The following UMAD1 variants were observed in gnomAD, a reference collection of about 807,000 sequenced individuals.
The protein encoded by UMAD1 is UBAP1-MVB12-associated (UMA) domain containing 1, also known as UBAP1-MVB12-associated (UMA)-domain containing protein 1.
Under a neutral mutation model 6.1 loss-of-function variants are expected in UMAD1, and 8 were observed. The ratio of observed to expected loss-of-function variants is 1.30; its 90% CI spans 0.76 to 2.35. UMAD1 has a LOEUF of 2.35. Ranked by LOEUF, UMAD1 falls within the 30% of genes most tolerant of loss-of-function variation. The probability of loss-of-function intolerance (pLI) is 0.00; values close to 1 mark genes in which losing one functional copy is unlikely to be tolerated. For missense variants in UMAD1, 130 were observed against 78.4 expected (o/e 1.66, Z -2.49); for synonymous variants, 56 against 31.4 (o/e 1.78, Z -2.61).
At chr7:7,748,500 A>G (rs1029790051) in intron 2 of UMAD1, among the ~76,000 whole-genome samples, 1 of 152,058 alleles carries the variant, frequency 6.6e-6, no homozygotes, top group Non-Finnish European at 1.5e-5. Flanking sequence ...TCAATGTCTC[A>G]TTGTTAGAGC....
chr7:7,722,696 A>C (rs1021218121), intron 2 of UMAD1, among the ~76,000 whole-genome samples: 1 of 152,210 alleles, frequency 6.6e-6, no homozygotes, highest in African/African-American at 2.4e-5. Flanking sequence ...CCTGTAGAGA[A>C]AGAGCTGAAA....
At chr7:7,739,120 A>C (rs1291912746) in intron 2 of UMAD1, 9 of 152,258 alleles carry the variant, frequency 5.9e-5, no homozygotes, top group Non-Finnish European at 8.8e-5. Context: ...ATTGTTACCT[A>C]AGTATACTTT....
At chr7:7,848,832 C>G (rs1441355819) in intron 3 of UMAD1, among the ~76,000 whole-genome samples, 2 of 152,076 alleles carry the variant, frequency 1.3e-5, no homozygotes, top group Non-Finnish European at 2.9e-5. Context: ...TATCCATATG[C>G]TGGCAATTTT....
At position 7,830,885 on chromosome 7, in the gene UMAD1, T is replaced by C. The variant is rs757311300; in HGVS notation, c.156+29142T>C. On this transcript the variant is annotated intron_variant, in intron 3 of 3. Coordinates refer to ENST00000682710, the MANE Select transcript of UMAD1 (RefSeq NM_001302348.2). The surrounding 1 kb of genome is among the most constrained non-coding windows in gnomAD (Gnocchi z 5.3). The stretch of plus-strand genomic sequence containing the variant: ...AGTATCTGCATAGAAAAATTTGTTA[T>C]TAGTTTTTATGAATAAGCCAATCAC... Among the ~76,000 whole-genome samples, 1 of 152,164 alleles carries C rather than the reference T, an allele frequency of 6.6e-6. No individual in the cohort carries two copies. Among genetic ancestry groups the C allele is most frequent in the African/African-American group, 2.4e-5 (1 of 41,450 alleles).
intron 1 of UMAD1, among the ~76,000 whole-genome samples, chr7:7,657,877 C>T (rs942938967): frequency 1.2e-4 from 18 of 152,188 alleles, no homozygotes; most frequent in Non-Finnish European, 2.2e-4. Context: ...ATGGGGATAG[C>T]ATTGAATCTG....
At position 7,778,271 on chromosome 7, in the gene UMAD1, TGTGTGA is replaced by T. The variant is rs1156415519; in HGVS notation, c.83-23397_83-23392del. Among the ~76,000 whole-genome samples the T allele has an allele frequency of 6.8e-3, 758 of 111,210 alleles. 2 individuals are homozygous for T. The highest frequency in any genetic ancestry group is 9.6e-3 in the Non-Finnish European group (517 of 53,694). 73.0% of individuals were successfully genotyped at this position (111,210 alleles called of 152,430 possible). A position where few individuals can be genotyped will look rare whatever the true frequency, so the allele number is the denominator to read the frequency against. Reference sequence around the variant, plus strand: ...GTGTGTGTGTGTGTGTGTGTGTGTGTGTGTGAGAGAGAGAGAGAGAGAGAGACAGAG... The same window carrying T: ...GTGTGTGTGTGTGTGTGTGTGTGTGTGAGAGAGAGAGAGAGAGAGACAGAG... On this transcript the variant is annotated intron_variant, in intron 2 of 3. Transcript: ENST00000682710.
chr7:7,845,060 C>A (rs940130350), intron 3 of UMAD1, among the ~76,000 whole-genome samples: 1 of 152,012 alleles, frequency 6.6e-6, no homozygotes, highest in Non-Finnish European at 1.5e-5. Context: ...GCCACAGTCA[C>A]ATGTGGCTAT....
chr7:7,743,744 T>G (rs1054708179), intron 2 of UMAD1, among the ~76,000 whole-genome samples: 3 of 151,526 alleles, frequency 2.0e-5, no homozygotes, highest in African/African-American at 7.3e-5. Context: ...CATTCTGCAC[T>G]TTTAAAAAAA....
At chr7:7,776,837 A>T (rs1378210988) in intron 2 of UMAD1, among the ~76,000 whole-genome samples, 1 of 152,232 alleles carries the variant, frequency 6.6e-6, no homozygotes, top group Non-Finnish European at 1.5e-5. Context: ...TGGCTAAAAA[A>T]TATATGAAAA....
intron 3 of UMAD1, among the ~76,000 whole-genome samples, chr7:7,856,908 A>G (rs1784029535): frequency 6.6e-6 from 1 of 152,126 alleles, no homozygotes; most frequent in Non-Finnish European, 1.5e-5. Context: ...AAGTCAGAAT[A>G]GTTTTTATGT....
intron 2 of UMAD1, among the ~76,000 whole-genome samples, chr7:7,724,934 G>C (rs183760559): frequency 9.8e-4 from 149 of 152,272 alleles, no homozygotes; most frequent in Non-Finnish European, 1.7e-3. Flanking sequence ...ACTTCCACGA[G>C]ATACCACACT....
At chr7:7,705,778 T>A (rs1162583054) in intron 2 of UMAD1, among the ~76,000 whole-genome samples, 1 of 152,162 alleles carries the variant, frequency 6.6e-6, no homozygotes, top group African/African-American at 2.4e-5. Flanking sequence ...TGAACCCTAA[T>A]GTAAAATATG....
intron 2 of UMAD1, among the ~76,000 whole-genome samples, chr7:7,675,779 G>T (rs1307954981): frequency 6.6e-6 from 1 of 152,138 alleles, no homozygotes; most frequent in Non-Finnish European, 1.5e-5. Context: ...GTAGTTCCAG[G>T]ATAGCAGTTT....
chr7:7,820,247 A>G (rs1200462347), intron 3 of UMAD1, among the ~76,000 whole-genome samples: 2 of 152,226 alleles, frequency 1.3e-5, no homozygotes, highest in Non-Finnish European at 2.9e-5. Flanking sequence ...AAGCATAGTA[A>G]TATGAGAATG....
chr7:7,671,829 A>G (rs1779612837), intron 1 of UMAD1, among the ~76,000 whole-genome samples: 1 of 152,158 alleles, frequency 6.6e-6, no homozygotes, highest in Non-Finnish European at 1.5e-5. Flanking sequence ...ATCTATTACT[A>G]TATCCAGTAA....
At chr7:7,709,805 C>G (rs1356797703) in intron 2 of UMAD1, among the ~76,000 whole-genome samples, 2 of 151,502 alleles carry the variant, frequency 1.3e-5, no homozygotes, top group Non-Finnish European at 2.9e-5. Flanking sequence ...ATAATGAGAA[C>G]ATATTCAGAA....
chr7:7,778,275 T>TGTGTGAGAGAGAGAGA (rs1271237125), intron 2 of UMAD1, among the ~76,000 whole-genome samples: 1 of 110,594 alleles, frequency 9.0e-6, no homozygotes, highest in East Asian at 2.6e-4. Context: ...TGTGTGTGTG[T>TGTGTGAGAGAGAGAGA]GAGAGAGAGA....
At chr7:7,862,957 T>C (rs7795244) in intron 3 of UMAD1, among the ~76,000 whole-genome samples, 64,395 of 151,956 alleles carry the variant, frequency 0.42, 14,559 homozygotes, top group African/African-American at 0.54. Flanking sequence ...TAAACTTCAG[T>C]AAAACATTTT....
At chr7:7,764,947 G>T (rs1475893540) in intron 2 of UMAD1, among the ~76,000 whole-genome samples, 1 of 151,252 alleles carries the variant, frequency 6.6e-6, no homozygotes, top group Admixed American at 6.6e-5. Flanking sequence ...TTGTACTTCA[G>T]CTGTCACTGC....
Sources: gnomAD v4.1 joint callset for allele counts (sites outside exome capture counted in the v4.1 genomes callset) on GRCh38, gnomAD v4.1.1 for gene constraint, Gnocchi (gnomAD v3.1) non-coding constraint, MANE v1.5 for transcripts, NCBI Gene and HGNC (gene_info 2026-07-23, HGNC 2026-07-21) for gene names.